Variants in GPC5 observed in about 807,000 individuals in gnomAD.
GPC5 encodes the protein glypican-5.
Under a neutral mutation model 53.9 loss-of-function variants are expected in GPC5, and 47 were observed. The ratio of observed to expected loss-of-function variants is 0.87; its 90% confidence interval spans 0.69 to 1.11. GPC5 has a LOEUF of 1.11. Among genes scored for constraint, GPC5 ranks in the 50% most tolerant of loss-of-function variants. The probability of loss-of-function intolerance (pLI) is 0.00; values close to 1 mark genes in which losing one functional copy is unlikely to be tolerated. For synonymous variants in GPC5, 286 were observed against 263.3 expected (o/e 1.09, Z -0.84); for missense variants, 748 against 713.1 (o/e 1.05, Z -0.56).
chr13:92,606,631 C>A (rs1240731217), intron 7 of GPC5, among the ~76,000 whole-genome samples: 1 of 152,126 alleles, frequency 6.6e-6, no homozygotes, highest in Non-Finnish European at 1.5e-5. Flanking sequence ...ATGTCCTTTC[C>A]ATATTTTTTA....
At chr13:92,400,999 TTCAAAATACCCCTG>T (rs1459518757) in intron 7 of GPC5, among the ~76,000 whole-genome samples, 2 of 152,100 alleles carry the variant, frequency 1.3e-5, no homozygotes, top group Admixed American at 1.3e-4. Context: ...TGCCTTTGAT[TTCAAAATACCCCTG>T]TAATGTGATT....
chr13:91,826,127 C>A (rs923308581), intron 5 of GPC5, among the ~76,000 whole-genome samples: 2 of 150,730 alleles, frequency 1.3e-5, no homozygotes, highest in African/African-American at 4.9e-5. Context: ...AATATGCATG[C>A]AAGGAAATAT....
Position 92,360,548 on chromosome 13 carries a change from T to C in GPC5, c.1561+215559T>C, listed in dbSNP as rs528335176. On this transcript the variant is annotated intron_variant, in intron 7 of 7. Coordinates refer to ENST00000377067, the MANE Select transcript of GPC5 (RefSeq NM_004466.6). ...ACTAAATGGGTAAAAGCTGGAAGAA[T>C]TTCCCTTAAAAACTGGCACAAAACA... Among the ~76,000 whole-genome samples the C allele has an allele frequency of 3.3e-5, 5 of 151,008 alleles. 1 individual carries two copies. The highest frequency in any genetic ancestry group is 1.2e-4 in the African/African-American group (5 of 40,784).
chr13:92,183,145 C>A (rs560675919), intron 7 of GPC5, among the ~76,000 whole-genome samples: 1 of 152,276 alleles, frequency 6.6e-6, no homozygotes, highest in South Asian at 2.1e-4. Context: ...TCCCACCATT[C>A]CCCATTACAT....
chr13:91,406,557 T>C (rs1289640864), intron 1 of GPC5, among the ~76,000 whole-genome samples: 2 of 152,234 alleles, frequency 1.3e-5, no homozygotes, highest in African/African-American at 4.8e-5. Context: ...AAAATTTAAC[T>C]GAACATCTGC....
At chr13:91,403,088 A>G (rs1275113109) in intron 1 of GPC5, among the ~76,000 whole-genome samples, 1 of 152,212 alleles carries the variant, frequency 6.6e-6, no homozygotes, top group Non-Finnish European at 1.5e-5. Context: ...GTAATCTGAA[A>G]TTGCGACTCT....
intron 1 of GPC5, among the ~76,000 whole-genome samples, chr13:91,433,526 G>T (rs1433418349): frequency 1.3e-5 from 2 of 152,072 alleles, no homozygotes; most frequent in Non-Finnish European, 2.9e-5. Flanking sequence ...CAAAGGACAT[G>T]AACTCATCAT....
chr13:92,116,932 G>T (rs2041606435), intron 6 of GPC5, among the ~76,000 whole-genome samples: 2 of 152,114 alleles, frequency 1.3e-5, no homozygotes. Flanking sequence ...TACATATTCG[G>T]AATACAGTTT....
intron 2 of GPC5, among the ~76,000 whole-genome samples, chr13:91,554,876 C>G (rs1399162835): frequency 6.6e-6 from 1 of 152,092 alleles, no homozygotes; most frequent in Non-Finnish European, 1.5e-5. Context: ...GAAGCCCTAA[C>G]AATCCTCTTC....
At chr13:91,625,308 A>T (rs2033970614) in intron 2 of GPC5, among the ~76,000 whole-genome samples, 1 of 152,078 alleles carries the variant, frequency 6.6e-6, no homozygotes, top group Non-Finnish European at 1.5e-5. Flanking sequence ...TAATCAAGAC[A>T]GGAAACTTGG....
chr13:92,095,229 G>T (rs1594760710), intron 6 of GPC5, among the ~76,000 whole-genome samples: 2 of 152,152 alleles, frequency 1.3e-5, no homozygotes, highest in Middle Eastern at 3.4e-3. Flanking sequence ...CATATAAATT[G>T]GGCTTATTAA....
chr13:92,693,176 TA>T (rs1887463347), intron 7 of GPC5, among the ~76,000 whole-genome samples: 1 of 152,144 alleles, frequency 6.6e-6, no homozygotes, highest in African/African-American at 2.4e-5. Context: ...TTTTTCCTTT[TA>T]AAATTGCCCA....
intron 6 of GPC5, among the ~76,000 whole-genome samples, chr13:91,933,542 G>A (rs934588533): frequency 3.3e-5 from 5 of 151,826 alleles, no homozygotes; most frequent in Admixed American, 3.3e-4. Flanking sequence ...TCTCATCCAT[G>A]CAATGAAGAA....
chr13:92,457,335 T>G (rs897590288), intron 7 of GPC5, among the ~76,000 whole-genome samples: 1 of 152,108 alleles, frequency 6.6e-6, no homozygotes, highest in African/African-American at 2.4e-5. Context: ...GGATAATTCT[T>G]TGTTGTGAAG....
At position 92,752,781 on chromosome 13, in the gene GPC5, C is replaced by A. The variant is rs183066214; in HGVS notation, c.1562-113501C>A. On this transcript the variant is annotated intron_variant, in intron 7 of 7. Coordinates refer to ENST00000377067, the MANE Select transcript of GPC5 (RefSeq NM_004466.6). Reference sequence around the variant, plus strand: ...CCACCCGAATACTGCACTTTTCCAACGGGCTTAAAAAACAGCGCACCACGA... The same window carrying A: ...CCACCCGAATACTGCACTTTTCCAAAGGGCTTAAAAAACAGCGCACCACGA... Among the ~76,000 whole-genome samples, 12 of 152,242 alleles carry A rather than the reference C, an allele frequency of 7.9e-5. No homozygotes were observed. The East Asian group carries it at 2.3e-3, about 30-fold the overall frequency.
chr13:91,869,759 C>T (rs931074371), intron 5 of GPC5, among the ~76,000 whole-genome samples: 1 of 152,104 alleles, frequency 6.6e-6, no homozygotes, highest in African/African-American at 2.4e-5. Flanking sequence ...GGAGGGATGG[C>T]TGGGGAGGCC....
In GPC5 at chr13:92,568,318, A is replaced by T. The variant is rs111597937; in HGVS notation, c.1562-297964A>T. ...AGAAAATTCTAAGTATGCCTGCTAGACAGTTCACCATACTTAGCTGAGAAT... is the reference window on the plus strand; with the variant it reads ...AGAAAATTCTAAGTATGCCTGCTAGTCAGTTCACCATACTTAGCTGAGAAT... On this transcript the variant is annotated intron_variant, in intron 7 of 7. Coordinates refer to ENST00000377067, the MANE Select transcript of GPC5 (RefSeq NM_004466.6). Among the ~76,000 whole-genome samples the T allele has an allele frequency of 9.7e-3, 1,485 of 152,346 alleles. 11 individuals are homozygous for T. The highest frequency in any genetic ancestry group is 0.021 in the Admixed American group (322 of 15,298).
chr13:92,124,807 AATAAC>A (rs1236988420), intron 6 of GPC5, among the ~76,000 whole-genome samples: 1 of 152,136 alleles, frequency 6.6e-6, no homozygotes, highest in East Asian at 1.9e-4. Context: ...AGGAGAGAAA[AATAAC>A]ATAATAGAAG....
At chr13:92,852,892 G>T (rs1284538436) in intron 7 of GPC5, among the ~76,000 whole-genome samples, 1 of 152,096 alleles carries the variant, frequency 6.6e-6, no homozygotes, top group East Asian at 1.9e-4. Context: ...CAATATTTTG[G>T]GGGCAATTTG....
Sources: gnomAD v4.1 joint callset for allele counts (sites outside exome capture counted in the v4.1 genomes callset) on GRCh38, gnomAD v4.1.1 for gene constraint, MANE v1.5 for transcripts, NCBI Gene and HGNC (gene_info 2026-07-23, HGNC 2026-07-21) for gene names.